DHX32: variants seen among roughly 807,000 people sequenced by gnomAD.
DHX32 encodes the protein DEAH-box helicase 32 (putative).
A neutral mutation model predicts 70.0 loss-of-function variants in DHX32; 51 were observed. The ratio of observed to expected loss-of-function variants is 0.73; its 90% CI spans 0.58 to 0.92. The LOEUF (loss-of-function observed/expected upper bound fraction) is 0.92. Ranked by LOEUF, DHX32 falls within the 40% of genes least tolerant of loss-of-function variation. The pLI is 0.00. For synonymous variants in DHX32, 310 were observed against 315.3 expected, an observed-to-expected ratio of 0.98 and a Z score of 0.18; for missense variants, 762 against 891.8, an observed-to-expected ratio of 0.85 and a Z score of 1.85.
At chr10:125,886,584 C>G (rs1340941578) in intron 1 of DHX32, among the ~76,000 whole-genome samples, 1 of 152,304 alleles carries the variant, frequency 6.6e-6, no homozygotes, top group Non-Finnish European at 1.5e-5. Flanking sequence ...CTTTTTTGTT[C>G]CCTTCTGTTT....
chr10:125,873,866 C>G (rs1030126115), intron 1 of DHX32, among the ~76,000 whole-genome samples: 3 of 152,176 alleles, frequency 2.0e-5, no homozygotes, highest in African/African-American at 7.2e-5. Flanking sequence ...AACAAGTTTA[C>G]TCAGTCAATA....
chr10:125,851,920 CAAAAAAAAA>C (rs56380138), intron 6 of DHX32, among the ~76,000 whole-genome samples: 4 of 86,788 alleles, frequency 4.6e-5, no homozygotes, highest in African/African-American at 1.8e-4. Flanking sequence ...GACCCTGTCT[CAAAAAAAAA>C]AAAAAAAAAA....
At chr10:125,849,926 T>C (rs1944068565) in intron 6 of DHX32, among the ~76,000 whole-genome samples, 1 of 152,088 alleles carries the variant, frequency 6.6e-6, no homozygotes, top group African/African-American at 2.4e-5. Flanking sequence ...AATCCTCTGG[T>C]GAAAGATCTG....
chr10:125,883,114 AAGC>A (rs557084009), upstream of DHX32, among the ~76,000 whole-genome samples: 33 of 152,316 alleles, frequency 2.2e-4, no homozygotes, highest in African/African-American at 7.7e-4. Flanking sequence ...CTTACTTATA[AAGC>A]ACTGACCACT....
chr10:125,846,125 G>C (rs1041208386), intron 6 of DHX32, among the ~76,000 whole-genome samples: 1 of 152,172 alleles, frequency 6.6e-6, no homozygotes, highest in East Asian at 1.9e-4. Context: ...TTCCTCAAGC[G>C]TAAGGGCATT....
Position 125,840,909 on chromosome 10 carries a change from T to C in DHX32, c.1631A>G (p.His544Arg), listed in dbSNP as rs750504021. 15 of 1,612,428 alleles carry C rather than the reference T, an allele frequency of 9.3e-6. No homozygotes were observed. The highest frequency in any genetic ancestry group is 1.2e-5 in the Non-Finnish European group (14 of 1,178,526). Reference sequence around the variant, plus strand: ...CTTGTAAATGCTGATGAGGGTAAAGTGATCTCCTTCGGGATGTAAAAATGT... The same window carrying C: ...CTTGTAAATGCTGATGAGGGTAAAGCGATCTCCTTCGGGATGTAAAAATGT... Reference protein sequence around the residue: ...WKTFLHPEGDHFTLISIYKAY... With the variant: ...WKTFLHPEGDRFTLISIYKAY... The change falls in exon 8 of 11, where the codon CAC becomes CGC. Residue 544 changes from histidine to arginine, a missense_variant. Transcript: ENST00000284690.
intron 6 of DHX32, among the ~76,000 whole-genome samples, chr10:125,851,489 A>G (rs1944088680): frequency 6.6e-6 from 1 of 152,060 alleles, no homozygotes; most frequent in South Asian, 2.1e-4. Flanking sequence ...AACATCTACT[A>G]CCCTGAGCAA....
In DHX32 at chr10:125,859,735, A is replaced by C. The variant is rs141506421; in HGVS notation, c.717T>G (p.Asn239Lys). The C allele has an allele frequency of 2.9e-4, 466 of 1,614,046 alleles. 11 individuals are homozygous for C. The East Asian group carries it at 0.01, about 36-fold the overall frequency. The change falls in exon 3 of 11, where the codon AAT becomes AAG. Residue 239 changes from asparagine (N) to lysine (K), a missense_variant. Asn to Lys is a moderately conservative substitution (Grantham distance 94, BLOSUM62 0). Transcript: ENST00000284690. Reference protein sequence around the residue: ...YGNVPVIEVKNKHPVEVVYLS... With the variant: ...YGNVPVIEVKKKHPVEVVYLS... ...GGTACACAACCTCCACAGGGTGTTTATTTTTCACTTCTATGACAGGCACGT... is the reference window on the plus strand; with the variant it reads ...GGTACACAACCTCCACAGGGTGTTTCTTTTTCACTTCTATGACAGGCACGT...
intron 9 of DHX32, among the ~76,000 whole-genome samples, 196 bp downstream of exon 9, chr10:125,838,805 A>C (rs1854780987): frequency 1.3e-5 from 2 of 152,238 alleles, no homozygotes; most frequent in Admixed American, 6.5e-5. Context: ...ATTTTTCTCC[A>C]TTAAGACTAC....
Position 125,852,355 on chromosome 10 carries a change from A to G in DHX32, c.1289T>C (p.Val430Ala). The G allele has an allele frequency of 6.2e-7, 1 of 1,614,206 alleles. No homozygotes were observed. The highest frequency in any genetic ancestry group is 8.5e-7 in the Non-Finnish European group (1 of 1,180,032). ...EMQEANLTSMVLFMKRIDIAG... is the reference protein window; with the variant it reads ...EMQEANLTSMALFMKRIDIAG... The stretch of plus-strand genomic sequence containing the variant: ...AATGTCTATCCTCTTCATAAAAAGC[A>G]CCATGCTTGTTAGGTTGGCTTCCTG... Residue 430 changes from valine to alanine, a missense_variant, in exon 6 of 11, where the codon GTG becomes GCG. Val to Ala is a moderately conservative substitution (Grantham distance 64). Coordinates refer to ENST00000284690, the MANE Select transcript of DHX32 (RefSeq NM_018180.3).
At chr10:125,845,854 G>A (rs1208352274) in intron 6 of DHX32, among the ~76,000 whole-genome samples, 1 of 152,204 alleles carries the variant, frequency 6.6e-6, no homozygotes, top group East Asian at 1.9e-4. Flanking sequence ...GCTCCTCCGA[G>A]CTTAGCTGTG....
At chr10:125,883,199 T>G (rs1359319213), upstream of DHX32, among the ~76,000 whole-genome samples, 6 of 152,194 alleles carry the variant, frequency 3.9e-5, no homozygotes, top group Non-Finnish European at 7.4e-5. Flanking sequence ...ACCTGGCCCC[T>G]TCATCACACA....
At chr10:125,892,945 T>G (rs1173576527) in intron 1 of DHX32, among the ~76,000 whole-genome samples, 1 of 152,188 alleles carries the variant, frequency 6.6e-6, no homozygotes, top group African/African-American at 2.4e-5. Context: ...TCTCTATTAT[T>G]ACCCTACTTA....
chr10:125,868,332 G>C (rs1944235589), intron 1 of DHX32, among the ~76,000 whole-genome samples: 1 of 152,134 alleles, frequency 6.6e-6, no homozygotes, highest in Non-Finnish European at 1.5e-5. Flanking sequence ...ATTATTCCAA[G>C]AGTGTTTTTA....
chr10:125,845,729 C>T (rs1401558010), intron 6 of DHX32, among the ~76,000 whole-genome samples: 2 of 152,266 alleles, frequency 1.3e-5, no homozygotes, highest in Non-Finnish European at 2.9e-5. Flanking sequence ...TCCCTGCCCA[C>T]TGGCGGGAGC....
intron 1 of DHX32, among the ~76,000 whole-genome samples, chr10:125,877,778 T>A (rs1190499931): frequency 6.6e-6 from 1 of 152,164 alleles, no homozygotes; most frequent in African/African-American, 2.4e-5. Flanking sequence ...TTCTTTTAAC[T>A]CCAATTCAGA....
intron 1 of DHX32, among the ~76,000 whole-genome samples, chr10:125,872,601 A>G (rs1944262070): frequency 6.6e-6 from 1 of 152,226 alleles, no homozygotes; most frequent in Non-Finnish European, 1.5e-5. Context: ...CTAGAAATCA[A>G]TACTTCACAT....
chr10:125,848,303 C>T (rs1405178779), intron 6 of DHX32, among the ~76,000 whole-genome samples: 1 of 152,132 alleles, frequency 6.6e-6, no homozygotes, highest in Non-Finnish European at 1.5e-5. Flanking sequence ...GGGACATGTT[C>T]CCAAAACCTG....
Position 125,867,037 on chromosome 10 carries a change from G to A in DHX32, c.429C>T (p.Gly143=), listed in dbSNP as rs930207717. Residue 143 remains glycine, a synonymous_variant, in exon 2 of 11, where the codon GGC becomes GGT. Transcript: ENST00000284690. ...EMDVNIGHEV[G]YVIPFENCCT... is the part of the protein sequence containing the mutation. ...AGCAGTTCTCGAAAGGGATCACGTA[G>A]CCAACCTCATGACCAATGTTAACAT... The A allele has an allele frequency of 1.2e-6, 2 of 1,614,178 alleles. No homozygotes were observed. Among genetic ancestry groups the A allele is most frequent in the Non-Finnish European group, 1.7e-6 (2 of 1,180,028 alleles).
Sources: allele counts gnomAD v4.1 joint callset (sites outside exome capture counted in the v4.1 genomes callset), GRCh38; gene constraint gnomAD v4.1.1; transcripts MANE v1.5; gene names NCBI Gene and HGNC (gene_info 2026-07-23, HGNC 2026-07-21).